Variants in SDK1 observed in about 807,000 individuals in gnomAD.
SDK1 encodes sidekick cell adhesion molecule 1, also known as protein sidekick-1.
Under a neutral mutation model 245.5 loss-of-function variants are expected in SDK1, and 157 were observed. The observed-to-expected ratio is 0.64, with a 90% CI of 0.56 to 0.73. SDK1 has a LOEUF of 0.73. Ranked by LOEUF, SDK1 falls within the 30% of genes least tolerant of loss-of-function variation. The probability of loss-of-function intolerance (pLI) is 0.00; values close to 1 mark genes in which losing one functional copy is unlikely to be tolerated. For missense variants in SDK1, 3,583 were observed against 3,002.3 expected, an observed-to-expected ratio of 1.19 and a Z score of -4.52; for synonymous variants, 1,647 against 1,278.5, an observed-to-expected ratio of 1.29 and a Z score of -6.15.
At chr7:3,664,617 G>A (rs2128660547) in intron 4 of SDK1, among the ~76,000 whole-genome samples, 1 of 151,998 alleles carries the variant, frequency 6.6e-6, no homozygotes, top group South Asian at 2.1e-4. Context: ...GCGGGCATCT[G>A]TAATCCCAGC....
At chr7:3,452,362 C>G (rs551306974) in intron 1 of SDK1, among the ~76,000 whole-genome samples, 1 of 152,262 alleles carries the variant, frequency 6.6e-6, no homozygotes, top group East Asian at 1.9e-4. Flanking sequence ...ATACTAGAAA[C>G]TGACAGGTTG....
chr7:4,238,441 G>A (rs1283845187), intron 42 of SDK1, among the ~76,000 whole-genome samples: 2 of 152,042 alleles, frequency 1.3e-5, no homozygotes, highest in Non-Finnish European at 2.9e-5. Context: ...GCTTATGCCT[G>A]TAATCCTAGT....
At chr7:3,770,721 C>T (rs1780384470) in intron 4 of SDK1, among the ~76,000 whole-genome samples, 4 of 152,134 alleles carry the variant, frequency 2.6e-5, no homozygotes, top group African/African-American at 9.7e-5. Flanking sequence ...TCCTGATTCT[C>T]AGTGGGCTGC....
intron 1 of SDK1, among the ~76,000 whole-genome samples, chr7:3,409,314 G>A (rs1212689900): frequency 7.1e-5 from 6 of 84,722 alleles, no homozygotes; most frequent in African/African-American, 2.7e-4. Context: ...TTTTTTTTTT[G>A]GATGCCTTTG....
At chr7:3,599,149 T>C (rs1445862986) in intron 1 of SDK1, among the ~76,000 whole-genome samples, 2 of 151,646 alleles carry the variant, frequency 1.3e-5, no homozygotes, top group African/African-American at 4.9e-5. Flanking sequence ...TCTCGCTGTT[T>C]TTTACTGTAG....
At chr7:3,876,800 A>G (rs1057000588) in intron 5 of SDK1, among the ~76,000 whole-genome samples, 10 of 152,136 alleles carry the variant, frequency 6.6e-5, no homozygotes, top group Admixed American at 5.9e-4. Context: ...AAGGTAGGAG[A>G]TACTAGTTGG....
intron 4 of SDK1, among the ~76,000 whole-genome samples, chr7:3,671,052 A>G (rs548135211): frequency 2.1e-3 from 324 of 152,244 alleles, no homozygotes; most frequent in African/African-American, 6.3e-3. Flanking sequence ...TGTTTCTCCT[A>G]TTGGGCTCTA....
intron 1 of SDK1, among the ~76,000 whole-genome samples, chr7:3,400,729 G>C (rs536985165): frequency 9.2e-5 from 14 of 152,222 alleles, no homozygotes; most frequent in African/African-American, 3.1e-4. Context: ...TGGGTTCATG[G>C]ATTCTTATGG....
chr7:3,588,878 CT>C (rs1427320400), intron 1 of SDK1, among the ~76,000 whole-genome samples: 13 of 152,190 alleles, frequency 8.5e-5, no homozygotes. Flanking sequence ...TTTCCTTTCT[CT>C]TCATAGTCAT....
intron 1 of SDK1, among the ~76,000 whole-genome samples, chr7:3,485,683 G>GTTTTTTTTTTTTGTTTTTTT (rs1781666507): frequency 2.6e-5 from 1 of 38,178 alleles, no homozygotes; most frequent in Admixed American, 4.6e-4. Context: ...TCTTTGGAGG[G>GTTTTTTTTTTTTGTTTTTTT]TTTTTTTTTT....
rs767712832 is a variant in SDK1, at chr7:3,760,479, G to A, written c.714-60971G>A. On this transcript the variant is annotated intron_variant, in intron 4 of 44. Transcript: ENST00000404826. ...GTATGTTATTATTGTTCATTTTATT[G>A]CACAAAGTGACCTATGAAGTGTTCG... Among the ~76,000 whole-genome samples the A allele has an allele frequency of 9.3e-4, 141 of 152,250 alleles. 1 individual carries two copies. The highest frequency in any genetic ancestry group is 3.4e-3 in the Middle Eastern group (1 of 294).
chr7:3,691,672 G>GT (rs1784439544), intron 4 of SDK1, among the ~76,000 whole-genome samples: 9 of 152,266 alleles, frequency 5.9e-5, no homozygotes, highest in African/African-American at 1.9e-4. Context: ...GACCTTGGTT[G>GT]CACAGCACCA....
At chr7:3,607,178 A>G (rs1032283006) in intron 1 of SDK1, among the ~76,000 whole-genome samples, 1 of 151,888 alleles carries the variant, frequency 6.6e-6, no homozygotes, top group African/African-American at 2.4e-5. Flanking sequence ...TTAAAATTGT[A>G]ATTTGTTGTG....
intron 1 of SDK1, among the ~76,000 whole-genome samples, chr7:3,597,763 T>A (rs1051820355): frequency 1.3e-5 from 2 of 152,182 alleles, no homozygotes; most frequent in Non-Finnish European, 2.9e-5. Flanking sequence ...GACAGTTTTG[T>A]TTTTGACTTT....
chr7:4,131,699 C>T (rs149496632), intron 27 of SDK1, among the ~76,000 whole-genome samples: 166 of 152,174 alleles, frequency 1.1e-3, no homozygotes, highest in African/African-American at 3.8e-3. Context: ...TCAGCAGTTC[C>T]ACCACACCTA....
chr7:3,587,536 G>T (rs572838791), intron 1 of SDK1, among the ~76,000 whole-genome samples: 1 of 152,226 alleles, frequency 6.6e-6, no homozygotes, highest in East Asian at 1.9e-4. Context: ...TGATGTCCCC[G>T]ACTGAGCTGT....
chr7:3,361,988 C>T (rs561521128), intron 1 of SDK1, among the ~76,000 whole-genome samples: 13 of 152,122 alleles, frequency 8.5e-5, no homozygotes, highest in African/African-American at 2.9e-4. Flanking sequence ...CTTGGTACCA[C>T]GCTTTATTGC....
intron 19 of SDK1, among the ~76,000 whole-genome samples, chr7:4,063,931 A>G (rs1015524808): frequency 6.6e-6 from 1 of 152,212 alleles, no homozygotes; most frequent in Admixed American, 6.5e-5. Context: ...AAATAACTCA[A>G]GATGGATTAA....
intron 4 of SDK1, among the ~76,000 whole-genome samples, chr7:3,666,103 A>G (rs565221970): frequency 1.3e-5 from 2 of 152,146 alleles, no homozygotes; most frequent in East Asian, 3.9e-4. Flanking sequence ...TTTGTCCTTT[A>G]TTCACCTCCT....
Sources: gnomAD v4.1 joint callset for allele counts (sites outside exome capture counted in the v4.1 genomes callset) on GRCh38, gnomAD v4.1.1 for gene constraint, MANE v1.5 for transcripts, NCBI Gene and HGNC (gene_info 2026-07-23, HGNC 2026-07-21) for gene names.